CENPE: variants seen among roughly 807,000 people sequenced by gnomAD.
The protein encoded by CENPE is centromere protein E.
A neutral mutation model predicts 336.1 loss-of-function variants in CENPE; 145 were observed. The observed-to-expected ratio is 0.43, with a 90% CI of 0.38 to 0.50. CENPE has a LOEUF of 0.50. CENPE is among the 20% of genes least tolerant of loss of function. The probability of loss-of-function intolerance (pLI) is 0.00; values close to 1 mark genes in which losing one functional copy is unlikely to be tolerated. For missense variants in CENPE, 2,719 were observed against 3,023.3 expected (o/e 0.90, Z 2.36); for synonymous variants, 1,013 against 984.8 (o/e 1.03, Z -0.54).
At chr4:103,142,651 A>G (rs1752660514) in intron 34 of CENPE, among the ~76,000 whole-genome samples, 1 of 152,144 alleles carries the variant, frequency 6.6e-6, no homozygotes, top group South Asian at 2.1e-4. Context: ...GTTACATTCC[A>G]GGCCTCTAAC....
chr4:103,130,249 T>A (rs1244558831), intron 42 of CENPE, among the ~76,000 whole-genome samples: 2 of 152,192 alleles, frequency 1.3e-5, no homozygotes, highest in East Asian at 1.9e-4. Context: ...ACACATGACA[T>A]GATCATCTAC....
At position 103,110,739 on chromosome 4, in the gene CENPE, C is replaced by T. The variant is rs779573931; in HGVS notation, c.7724+89G>A. On this transcript the variant is annotated intron_variant, in intron 47 of 48. Transcript: ENST00000265148. ...TTCCCCATAATGACTGAAGTGTTACCACCTGCAAAAAATACGTGCATATAC... is the reference window on the plus strand; with the variant it reads ...TTCCCCATAATGACTGAAGTGTTACTACCTGCAAAAAATACGTGCATATAC... 4.3e-6 allele frequency: 4 copies of T among 928,672 alleles called. No homozygotes were observed. The Admixed American group carries it at 1.0e-4, about 24-fold the overall frequency. 57.5% of individuals were successfully genotyped at this position (928,672 alleles called of 1,614,324 possible).
At position 103,112,754 on chromosome 4, in the gene CENPE, GTATATATA is replaced by G. The variant is rs1469947042; in HGVS notation, c.7540+1693_7540+1700del. 6.0e-5 allele frequency among the ~76,000 whole-genome samples: 6 copies of G among 100,634 alleles called. No homozygotes were observed. In the East Asian group the frequency reaches 7.8e-4, roughly 13 times the overall value. 66.0% of individuals were successfully genotyped at this position (100,634 alleles called of 152,430 possible). On this transcript the variant is annotated intron_variant, in intron 46 of 48. Transcript: ENST00000265148. ...TATATATACTTATAAGTATATAAGT[GTATATATA>G]TACTTATAAGTATATAAGTGTATAT...
In CENPE at chr4:103,111,006, A is replaced by G. The variant is rs773063660; in HGVS notation, c.7546T>C (p.Ser2516Pro). The G allele has an allele frequency of 1.3e-6, 2 of 1,572,948 alleles. No homozygotes were observed. The highest frequency in any genetic ancestry group is 8.6e-7 in the Non-Finnish European group (1 of 1,163,878). ...GAAGGCTGAGGATCAGTATGTTCTG[A>G]TATCACTGTGGGAGGAAAATATACA... ...SQQAQDTSVI[S>P]EHTDPQPSNK... Residue 2516 changes from serine to proline, a missense_variant, in exon 47 of 49, where the codon TCA becomes CCA. Ser to Pro is a moderately conservative substitution (Grantham distance 74). Around this residue, in one of 5 missense-constraint regions of CENPE, gnomAD observed 2,437 missense variants for 2,513.3 expected, o/e 0.97. Coordinates refer to ENST00000265148, the MANE Select transcript of CENPE (RefSeq NM_001813.3).
chr4:103,123,693 T>A (rs1337703181), intron 42 of CENPE, among the ~76,000 whole-genome samples: 1 of 152,170 alleles, frequency 6.6e-6, no homozygotes, highest in South Asian at 2.1e-4. Context: ...GAAAAGGCAT[T>A]AAATTTGTGG....
chr4:103,112,474 CTT>C (rs919802263), intron 46 of CENPE, among the ~76,000 whole-genome samples: 1 of 138,710 alleles, frequency 7.2e-6, no homozygotes, highest in Non-Finnish European at 1.5e-5. Flanking sequence ...TACATATATA[CTT>C]ATATATACTA....
chr4:103,147,736 C>G (rs1753180440), intron 28 of CENPE, 90 bp from the exon 29 acceptor site: 4 of 1,178,114 alleles, frequency 3.4e-6, no homozygotes, highest in African/African-American at 1.5e-5. Context: ...CTCTGTTGCC[C>G]AGGTGGGAGT....
chr4:103,166,796 A>G (rs1754961380), intron 16 of CENPE, among the ~76,000 whole-genome samples: 1 of 152,160 alleles, frequency 6.6e-6, no homozygotes, highest in Non-Finnish European at 1.5e-5. Flanking sequence ...CAAGTCTGAT[A>G]ACAACTACAG....
chr4:103,155,827 G>C (rs760024782), intron 24 of CENPE, among the ~76,000 whole-genome samples: 2 of 152,114 alleles, frequency 1.3e-5, no homozygotes, highest in African/African-American at 2.4e-5. Flanking sequence ...TAAATGTACA[G>C]ATATTTATTT....
In CENPE at chr4:103,159,086, C is replaced by A; in HGVS notation, c.2525G>T (p.Arg842Ile). 2 of 1,571,144 alleles carry A rather than the reference C, an allele frequency of 1.3e-6. No individual in the cohort carries two copies. The highest frequency in any genetic ancestry group is 1.7e-4 in the Middle Eastern group (1 of 5,820). The change falls in exon 22 of 49, where the codon AGA (arginine) becomes ATA (isoleucine). Residue 842 changes from arginine (R) to isoleucine (I), a missense_variant. Physicochemically the swap from Arg to Ile is moderately conservative, Grantham distance 97 (BLOSUM62 -3). Around this residue, in one of 5 missense-constraint regions of CENPE, gnomAD observed 2,437 missense variants for 2,513.3 expected, o/e 0.97. Coordinates refer to ENST00000265148, the MANE Select transcript of CENPE (RefSeq NM_001813.3). ...KYKMVLEENE[R>I]MNQEIVNLSK... is the part of the protein sequence containing the mutation. ...GAGATTAACTATTTCCTGATTCATTCTCTCATTCTCCTCAAGGACCATCTT... is the reference window on the plus strand; with the variant it reads ...GAGATTAACTATTTCCTGATTCATTATCTCATTCTCCTCAAGGACCATCTT...
intron 13 of CENPE, among the ~76,000 whole-genome samples, chr4:103,179,087 C>A (rs1756118275): frequency 6.6e-6 from 1 of 152,184 alleles, no homozygotes; most frequent in Non-Finnish European, 1.5e-5. Context: ...TTACCAGCTA[C>A]CCATGAAGCC....
chr4:103,163,454 T>C lies in CENPE; in HGVS notation c.1722+25A>G, dbSNP rs200986713. 5.3e-6 allele frequency: 8 copies of C among 1,512,472 alleles called. No individual in the cohort carries two copies. In the African/African-American group the frequency reaches 6.9e-5, roughly 13 times the overall value. The allele number at this position is 1,512,472 out of a possible 1,614,324, so 93.7% of individuals were successfully genotyped here. A position where few individuals can be genotyped will look rare whatever the true frequency, so the allele number is the denominator to read the frequency against. On this transcript the variant is annotated intron_variant, in intron 17 of 48. Coordinates refer to ENST00000265148, the MANE Select transcript of CENPE (RefSeq NM_001813.3). ...TTTTATAGTTCTAATTGCTTATCAA[T>C]AGAAATACCAACATGAATGCTCACC...
In CENPE at chr4:103,123,077, C is replaced by G. The variant is rs1386469641; in HGVS notation, c.6937G>C (p.Glu2313Gln). 1.2e-6 allele frequency: 2 copies of G among 1,613,150 alleles called. No individual in the cohort carries two copies. The highest frequency in any genetic ancestry group is 1.7e-5 in the Admixed American group (1 of 60,006). Residue 2313 changes from glutamate to glutamine, a missense_variant, in exon 43 of 49, where the codon GAA becomes CAA. By Grantham distance (29) the Glu-to-Gln change is conservative. Around this residue, in one of 5 missense-constraint regions of CENPE, gnomAD observed 2,437 missense variants for 2,513.3 expected, o/e 0.97. Transcript: ENST00000265148. ...CTTCTTTCCTCAAACTCTGTTGATTCATTCATTATGGCCTATTGAACAGTA... is the reference window on the plus strand; with the variant it reads ...CTTCTTTCCTCAAACTCTGTTGATTGATTCATTATGGCCTATTGAACAGTA... ...FNNRIIAIMN[E>Q]STEFEERSAT...
intron 16 of CENPE, among the ~76,000 whole-genome samples, chr4:103,171,640 T>C (rs1307869190): frequency 6.9e-6 from 1 of 145,630 alleles, no homozygotes; most frequent in Non-Finnish European, 1.5e-5. Flanking sequence ...AATTAGCAAA[T>C]GGAAAGAATA....
At chr4:103,142,475 A>G (rs1752647515) in intron 34 of CENPE, among the ~76,000 whole-genome samples, 1 of 152,166 alleles carries the variant, frequency 6.6e-6, no homozygotes, top group South Asian at 2.1e-4. Context: ...AGCTTACTTT[A>G]GCTTCTATTT....
chr4:103,149,795 A>G (rs1221743773), intron 26 of CENPE, among the ~76,000 whole-genome samples: 1 of 152,158 alleles, frequency 6.6e-6, no homozygotes, highest in Non-Finnish European at 1.5e-5. Context: ...TAGCTGGGAG[A>G]CACTGGAAGC....
At chr4:103,140,177 A>G (rs1752419613) in intron 37 of CENPE, 79 bp downstream of exon 37, 3 of 1,460,910 alleles carry the variant, frequency 2.1e-6, no homozygotes, top group Admixed American at 2.1e-5. Context: ...CTATCTACAT[A>G]TCTGTATCTA....
intron 30 of CENPE, 45 bp downstream of exon 30, chr4:103,145,784 G>A: frequency 1.3e-6 from 2 of 1,539,500 alleles, no homozygotes; most frequent in South Asian, 2.5e-5. Context: ...AATAATATTT[G>A]GTTACAAAAT....
chr4:103,187,124 T>C (rs975389249), intron 8 of CENPE, among the ~76,000 whole-genome samples: 1 of 152,186 alleles, frequency 6.6e-6, no homozygotes, highest in Admixed American at 6.5e-5. Flanking sequence ...CCTGCCTTGC[T>C]AGATTGGGGA....
Sources: allele counts gnomAD v4.1 joint callset (sites outside exome capture counted in the v4.1 genomes callset), GRCh38; gene constraint gnomAD v4.1.1; regional missense constraint gnomAD v4.1.1; transcripts MANE v1.5; gene names NCBI Gene and HGNC (gene_info 2026-07-23, HGNC 2026-07-21).